Variants in FBLN1 observed in about 807,000 individuals in gnomAD.
FBLN1 encodes the protein fibulin 1, also known as fibulin-1.
Under a neutral mutation model 89.7 loss-of-function variants are expected in FBLN1, and 34 were observed. That is an observed-to-expected ratio of 0.38 (90% confidence interval 0.29 to 0.50). The LOEUF (loss-of-function observed/expected upper bound fraction) is 0.50. Among genes scored for constraint, FBLN1 ranks in the 20% least tolerant of loss-of-function variants. The pLI, the probability that FBLN1 is intolerant of heterozygous loss-of-function variation, is 0.92. For synonymous variants in FBLN1, 393 were observed against 391.3 expected (o/e 1.00, Z -0.05); for missense variants, 777 against 988.1 (o/e 0.79, Z 2.86).
chr22:45,573,688 A>AAAAAAC (rs2088969510), intron 14 of FBLN1, among the ~76,000 whole-genome samples: 2 of 149,018 alleles, frequency 1.3e-5, no homozygotes, highest in Admixed American at 6.7e-5. Flanking sequence ...CTCAAAAAAA[A>AAAAAAC]AAAAAAAAAA....
At chr22:45,593,579 C>T (rs1183846060) in intron 16 of FBLN1, among the ~76,000 whole-genome samples, 2 of 152,062 alleles carry the variant, frequency 1.3e-5, no homozygotes, top group Non-Finnish European at 2.9e-5. Flanking sequence ...CTTTCTGGGG[C>T]TTCGGAAAGG....
chr22:45,544,967 C>T (rs1053127138), intron 11 of FBLN1, among the ~76,000 whole-genome samples: 2 of 152,174 alleles, frequency 1.3e-5, no homozygotes, highest in East Asian at 1.9e-4. Context: ...TCCACATTGC[C>T]GATGACACCC....
Position 45,531,303 on chromosome 22 carries a change from T to C in FBLN1, c.523T>C (p.Tyr175His). The C allele has an allele frequency of 6.2e-7, 1 of 1,614,044 alleles. No homozygotes were observed. Among genetic ancestry groups the C allele is most frequent in the Non-Finnish European group, 8.5e-7 (1 of 1,179,938 alleles). ...IEVEEEQEDP[Y>H]LNDRCRGGGP... ...GGTTGAGGAGGAACAAGAGGACCCA[T>C]ATCTGAATGACCGCTGCCGAGGTGA... is the stretch of plus-strand genomic sequence containing the variant. The change falls in exon 5 of 17, where the codon TAT (tyrosine) becomes CAT (histidine). Residue 175 changes from tyrosine (Y) to histidine (H), a missense_variant. Coordinates refer to ENST00000327858, the MANE Select transcript of FBLN1 (RefSeq NM_006486.3). This position sits in a 1 kb window ranked among gnomAD's most constrained non-coding sequence, Gnocchi z 4.9.
chr22:45,570,118 G>A lies in FBLN1; in HGVS notation c.1698-4393G>A, dbSNP rs187296299. 6.0e-3 allele frequency among the ~76,000 whole-genome samples: 903 copies of A among 151,752 alleles called. 3 individuals are homozygous for A. The highest frequency in any genetic ancestry group is 0.015 in the South Asian group (73 of 4,802). On this transcript the variant is annotated intron_variant, in intron 14 of 16. Transcript: ENST00000327858. Reference sequence around the variant, plus strand: ...GTGGATCACCTGAGGTCAGGAGTTCGAGACCACCCTGGCCAACATGGTGAA... The same window carrying A: ...GTGGATCACCTGAGGTCAGGAGTTCAAGACCACCCTGGCCAACATGGTGAA...
rs543571110 is a variant in FBLN1, at chr22:45,518,647, G to C, written c.80-35G>C. The C allele has an allele frequency of 2.0e-5, 31 of 1,527,590 alleles. No homozygotes were observed. In the African/African-American group the frequency reaches 3.8e-4, roughly 19 times the overall value. 94.6% of individuals were successfully genotyped at this position (1,527,590 alleles called of 1,614,324 possible). ...GAGGGCCCTCCACCCGCTGAGTGGT[G>C]AGCCACCTCTCAGCTTGTTCTCTTC... On this transcript the variant is annotated intron_variant, in intron 1 of 16. Transcript: ENST00000327858.
At chr22:45,591,107 T>C (rs1394322629) in intron 16 of FBLN1, among the ~76,000 whole-genome samples, 1 of 152,210 alleles carries the variant, frequency 6.6e-6, no homozygotes, top group African/African-American at 2.4e-5. Context: ...CTCCCAGACC[T>C]TGTCTTCCTT....
At chr22:45,517,812 T>C (rs1385130213) in intron 1 of FBLN1, 2 of 363,734 alleles carry the variant, frequency 5.5e-6, no homozygotes, top group East Asian at 1.6e-4. Context: ...AACACGGATG[T>C]GGGTCACAGA....
At chr22:45,573,960 CCT>C (rs1449095679) in intron 14 of FBLN1, among the ~76,000 whole-genome samples, 1 of 135,774 alleles carries the variant, frequency 7.4e-6, no homozygotes, top group African/African-American at 2.8e-5. Context: ...GGAACCCAGA[CCT>C]CTGAGAGACT....
chr22:45,535,782 A>C (rs1421629336), intron 8 of FBLN1, among the ~76,000 whole-genome samples: 2 of 152,224 alleles, frequency 1.3e-5, no homozygotes, highest in Non-Finnish European at 2.9e-5. Flanking sequence ...TGGCTTAGAG[A>C]CTTGAGGCCA....
chr22:45,515,868 G>T (rs2088163254), intron 1 of FBLN1, among the ~76,000 whole-genome samples: 1 of 152,230 alleles, frequency 6.6e-6, no homozygotes, highest in African/African-American at 2.4e-5. Context: ...GCAAGAAAGT[G>T]CTGGAGCTGG....
Position 45,582,516 on chromosome 22 carries a change from A to G in FBLN1, c.1972+5408A>G, listed in dbSNP as rs547971742. On this transcript the variant is annotated intron_variant, in intron 16 of 16. Coordinates refer to ENST00000327858, the MANE Select transcript of FBLN1 (RefSeq NM_006486.3). ...TCCTTGGTCACACAGGCGACCCATC[A>G]TGCTGCTCCCTGGGACCCCCAGACC... 6.6e-5 allele frequency among the ~76,000 whole-genome samples: 10 copies of G among 152,242 alleles called. No homozygotes were observed. The South Asian group carries it at 1.7e-3, about 25-fold the overall frequency.
In FBLN1 at chr22:45,543,444, C is replaced by T. The variant is rs1423342122; in HGVS notation, c.1239C>T (p.His413=). Residue 413 remains histidine, a synonymous_variant, in exon 11 of 17, where the codon CAC becomes CAT. Transcript: ENST00000327858. ...GCTACCCCGGGCGCCTGTGTGGCCA[C>T]AAGTGCGAGAACACGCTGGGCTCCT... ...CQRYPGRLCG[H]KCENTLGSYL... is the part of the protein sequence containing the mutation. 1.9e-6 allele frequency: 3 copies of T among 1,613,698 alleles called. No individual in the cohort carries two copies. In the African/African-American group the frequency reaches 4.0e-5, roughly 22 times the overall value.
chr22:45,553,027 A>G (rs1448516501), intron 14 of FBLN1, among the ~76,000 whole-genome samples: 1 of 152,114 alleles, frequency 6.6e-6, no homozygotes, highest in Non-Finnish European at 1.5e-5. Flanking sequence ...TGTGGGCCTG[A>G]GGGTGTAACA....
intron 10 of FBLN1, 54 bp downstream of exon 10, chr22:45,542,337 A>T (rs2088568481): frequency 1.2e-6 from 2 of 1,610,382 alleles, no homozygotes; most frequent in Non-Finnish European, 1.7e-6. Flanking sequence ...GGCACCAGGG[A>T]CACATTTCTG....
rs975993567 is a variant in FBLN1 at position 45,507,803 on chromosome 22, C to T, written c.79+4739C>T. On this transcript the variant is annotated intron_variant, in intron 1 of 16. Transcript: ENST00000327858. ...TCGGCCTCCCAAAGTGTTGGGATTA[C>T]AGGCGTGAGCCACTGCGCCTGGCCC... Among the ~76,000 whole-genome samples, 14 of 152,336 alleles carry T rather than the reference C, an allele frequency of 9.2e-5. No individual in the cohort carries two copies. In the South Asian group the frequency reaches 1.0e-3, roughly 11 times the overall value.
intron 16 of FBLN1, among the ~76,000 whole-genome samples, chr22:45,585,850 C>G (rs986745206): frequency 6.6e-6 from 1 of 152,124 alleles, no homozygotes; most frequent in African/African-American, 2.4e-5. Context: ...GGCATCAGAG[C>G]CTGTGCCCTG....
chr22:45,542,373 T>C, intron 10 of FBLN1, 90 bp downstream of exon 10: 2 of 1,522,238 alleles, frequency 1.3e-6, no homozygotes, highest in Non-Finnish European at 9.0e-7. Context: ...TGTGGTCTGA[T>C]CCTCATCTCA....
At chr22:45,564,053 G>A (rs1428353050) in intron 14 of FBLN1, among the ~76,000 whole-genome samples, 1 of 152,198 alleles carries the variant, frequency 6.6e-6, no homozygotes. Context: ...CTGCCAGGCA[G>A]GTGGTCATCC....
chr22:45,551,140 C>T (rs544180597), intron 14 of FBLN1: 13 of 233,536 alleles, frequency 5.6e-5, no homozygotes, highest in South Asian at 3.4e-4. Flanking sequence ...CGTGGGGCTG[C>T]GTGCCCCTAT....
Sources: gnomAD v4.1 joint callset for allele counts (sites outside exome capture counted in the v4.1 genomes callset) on GRCh38, gnomAD v4.1.1 for gene constraint, Gnocchi (gnomAD v3.1) non-coding constraint, MANE v1.5 for transcripts, NCBI Gene and HGNC (gene_info 2026-07-23, HGNC 2026-07-21) for gene names.